ERG: variants seen among roughly 807,000 people sequenced by gnomAD.
ERG encodes transcriptional regulator ERG.
In ERG, 9 loss-of-function variants were observed where a neutral mutation model predicts 55.3. That is an observed-to-expected ratio of 0.16 (90% CI 0.10 to 0.28). The LOEUF (loss-of-function observed/expected upper bound fraction) is 0.28, where lower values mean the gene tolerates loss of function less well. ERG is among the 10% of genes least tolerant of loss of function. The probability of loss-of-function intolerance (pLI) is 1.00; values close to 1 mark genes in which losing one functional copy is unlikely to be tolerated. For synonymous variants in ERG, 223 were observed against 237.3 expected, an observed-to-expected ratio of 0.94 and a Z score of 0.55; for missense variants, 434 against 631.6, an observed-to-expected ratio of 0.69 and a Z score of 3.35.
intron 1 of ERG, among the ~76,000 whole-genome samples, chr21:38,625,396 C>A (rs114459483): frequency 0.01 from 1,587 of 152,172 alleles, 35 homozygotes; most frequent in African/African-American, 0.036. Context: ...ATGTGCAGAA[C>A]ACGCAGGTTT....
intron 2 of ERG, among the ~76,000 whole-genome samples, chr21:38,424,208 C>CTT (rs1989710359): frequency 6.8e-6 from 1 of 146,192 alleles, no homozygotes; most frequent in Non-Finnish European, 1.5e-5. Context: ...CTCTCTCTCT[C>CTT]TCTCTCTCTC....
intron 2 of ERG, among the ~76,000 whole-genome samples, chr21:38,424,181 G>GCT (rs1202954918): frequency 3.4e-5 from 3 of 88,004 alleles, no homozygotes; most frequent in Admixed American, 2.5e-4. Flanking sequence ...AGAGACCAGA[G>GCT]CTCGAGCTCT....
chr21:38,638,835 C>G (rs2060406211), intron 1 of ERG, among the ~76,000 whole-genome samples: 1 of 152,160 alleles, frequency 6.6e-6, no homozygotes, highest in Admixed American at 6.5e-5. Flanking sequence ...TTCTGATCCC[C>G]TGCAGCCAGG....
At chr21:38,426,931 A>C (rs1989855829) in intron 2 of ERG, among the ~76,000 whole-genome samples, 1 of 3,900 alleles carries the variant, frequency 2.6e-4, no homozygotes, top group Admixed American at 1.6e-3. Flanking sequence ...ACTCCATGTC[A>C]AAAAAAAAAA....
chr21:38,455,501 G>A (rs2058979607), intron 1 of ERG, among the ~76,000 whole-genome samples: 1 of 152,148 alleles, frequency 6.6e-6, no homozygotes, highest in African/African-American at 2.4e-5. Context: ...TTCAGAAGGA[G>A]CTCCGTGAAA....
chr21:38,589,501 C>T (rs1320483371), upstream of ERG, among the ~76,000 whole-genome samples: 2 of 152,226 alleles, frequency 1.3e-5, no homozygotes, highest in East Asian at 3.9e-4. Context: ...TAAATCCTAT[C>T]ACTGGGCACC....
chr21:38,657,192 A>C (rs1289427313), intron 1 of ERG, among the ~76,000 whole-genome samples: 1 of 152,232 alleles, frequency 6.6e-6, no homozygotes, highest in Admixed American at 6.5e-5. Context: ...CCATTGTCTC[A>C]TATAGCCATT....
intron 1 of ERG, among the ~76,000 whole-genome samples, chr21:38,618,722 C>T (rs1196845164): frequency 6.6e-6 from 1 of 152,208 alleles, no homozygotes; most frequent in African/African-American, 2.4e-5. Flanking sequence ...CAGCATCACC[C>T]TCTGTGGGGC....
At chr21:38,388,008 C>T (rs1987783036) in intron 9 of ERG, among the ~76,000 whole-genome samples, 1 of 152,256 alleles carries the variant, frequency 6.6e-6, no homozygotes, top group African/African-American at 2.4e-5. Flanking sequence ...CTGTAGCCTC[C>T]TCAGGTCCTT....
chr21:38,498,782 G>A (rs141235399), upstream of ERG, among the ~76,000 whole-genome samples: 310 of 152,276 alleles, frequency 2.0e-3, 2 homozygotes, highest in African/African-American at 7.1e-3. This position sits in a 1 kb window ranked among gnomAD's most constrained non-coding sequence, Gnocchi z 4.6. Context: ...GCTTCACACG[G>A]GCTGCAAGCA....
At chr21:38,573,418 A>G (rs894602674) in intron 2 of ERG, among the ~76,000 whole-genome samples, 123 of 152,224 alleles carry the variant, frequency 8.1e-4, no homozygotes, top group African/African-American at 1.6e-3. Context: ...TATAAAACCC[A>G]ATTGTACATT....
chr21:38,461,975 TTTTTTC>T (rs1394614484), intron 1 of ERG, among the ~76,000 whole-genome samples: 1 of 152,044 alleles, frequency 6.6e-6, no homozygotes, highest in South Asian at 2.1e-4. Context: ...TGGCTAATTT[TTTTTTC>T]TTTTTCTTTT....
In ERG at chr21:38,528,521, C is replaced by T. The variant is rs866575897; in HGVS notation, c.-41+47141G>A. 6.0e-3 allele frequency among the ~76,000 whole-genome samples: 468 copies of T among 78,108 alleles called. 90 individuals carry two copies. Among genetic ancestry groups the T allele is most frequent in the African/African-American group, 0.02 (446 of 22,398 alleles). 51.2% of individuals were successfully genotyped at this position (78,108 alleles called of 152,430 possible). A position where few individuals can be genotyped will look rare whatever the true frequency, so the allele number is the denominator to read the frequency against. The stretch of plus-strand genomic sequence containing the variant: ...GGAGTGCAGTGGCGGGATCTCGGCT[C>T]ACTGCAAGCTCCGCCTCCCGGGTTC... On this transcript the variant is annotated intron_variant, in intron 2 of 8. Coordinates refer to the ERG transcript ENST00000398897.
intron 2 of ERG, among the ~76,000 whole-genome samples, chr21:38,435,580 C>G (rs1314866014): frequency 5.3e-5 from 8 of 152,176 alleles, no homozygotes; most frequent in African/African-American, 1.9e-4. Context: ...GTTCCCTCCC[C>G]CTTCCCTGAA....
chr21:38,380,047 T>C lies in ERG; in HGVS notation c.*3356A>G. 2.0e-6 allele frequency: 2 copies of C among 1,013,628 alleles called. No homozygotes were observed. Among genetic ancestry groups the C allele is most frequent in the Non-Finnish European group, 2.4e-6 (2 of 846,010 alleles). The allele number at this position is 1,013,628 out of a possible 1,614,324, so 62.8% of individuals were successfully genotyped here. A position where few individuals can be genotyped will look rare whatever the true frequency, so the allele number is the denominator to read the frequency against. ...CAGAATTTGGTGTATTTTTGAGTAGTCCAAAGTAATTTTTATTCTCTAATT... is the reference window on the plus strand; with the variant it reads ...CAGAATTTGGTGTATTTTTGAGTAGCCCAAAGTAATTTTTATTCTCTAATT... On this transcript the variant is annotated 3_prime_UTR_variant, in exon 10 of 10. Transcript: ENST00000288319.
chr21:38,547,552 A>G lies in ERG; in HGVS notation c.-41+28110T>C, dbSNP rs571273340. Reference sequence around the variant, plus strand: ...AAAGATGAACAGTGACCTGCAAATCATTAAAGAGGGCGACTCGATCATAGG... The same window carrying G: ...AAAGATGAACAGTGACCTGCAAATCGTTAAAGAGGGCGACTCGATCATAGG... On this transcript the variant is annotated intron_variant, in intron 2 of 8. Transcript: ENST00000398897. Among the ~76,000 whole-genome samples, 265 of 152,328 alleles carry G rather than the reference A, an allele frequency of 1.7e-3. 3 individuals are homozygous for G. Among genetic ancestry groups the G allele is most frequent in the African/African-American group, 6.3e-3 (261 of 41,572 alleles).
chr21:38,597,155 A>T (rs1260277996), intron 1 of ERG, among the ~76,000 whole-genome samples: 2 of 152,228 alleles, frequency 1.3e-5, no homozygotes, highest in East Asian at 1.9e-4. Flanking sequence ...CCAGTCTACA[A>T]TTGTGTAAAC....
At chr21:38,601,256 T>A (rs2060162856) in intron 1 of ERG, among the ~76,000 whole-genome samples, 1 of 152,102 alleles carries the variant, frequency 6.6e-6, no homozygotes, top group African/African-American at 2.4e-5. Context: ...CTGATAGGAA[T>A]CCCCACTGAA....
Position 38,381,981 on chromosome 21 carries a change from G to A in ERG, c.*1422C>T, listed in dbSNP as rs1347778998. The stretch of plus-strand genomic sequence containing the variant: ...AACATTCAGCACATGTTTTCATTAA[G>A]CAACTTTAGTCACTAAAAAAAGTGC... On this transcript the variant is annotated 3_prime_UTR_variant, in exon 10 of 10. Transcript: ENST00000288319. The A allele has an allele frequency of 9.4e-7, 1 of 1,061,548 alleles. No individual in the cohort carries two copies. Among genetic ancestry groups the A allele is most frequent in the East Asian group, 5.1e-5 (1 of 19,546 alleles). The allele number at this position is 1,061,548 out of a possible 1,614,324, so 65.8% of individuals were successfully genotyped here. A position where few individuals can be genotyped will look rare whatever the true frequency, so the allele number is the denominator to read the frequency against.
Sources: allele counts gnomAD v4.1 joint callset (sites outside exome capture counted in the v4.1 genomes callset), GRCh38; gene constraint gnomAD v4.1.1; non-coding constraint Gnocchi (gnomAD v3.1); transcripts MANE v1.5; gene names NCBI Gene and HGNC (gene_info 2026-07-23, HGNC 2026-07-21).